The following PICALM variants were observed in gnomAD, a reference collection of about 807,000 sequenced individuals.
PICALM encodes the protein phosphatidylinositol-binding clathrin assembly protein.
A neutral mutation model predicts 80.5 loss-of-function variants in PICALM; 40 were observed. That is an observed-to-expected ratio of 0.50 (90% CI 0.39 to 0.65). The LOEUF is 0.65. Among genes scored for constraint, PICALM ranks in the 30% least tolerant of loss-of-function variants. The pLI is 0.00. For synonymous variants in PICALM, 288 were observed against 260.3 expected, an observed-to-expected ratio of 1.11 and a Z score of -1.02; for missense variants, 676 against 778.9, an observed-to-expected ratio of 0.87 and a Z score of 1.57.
At chr11:85,990,114 T>C (rs2094716770) in intron 13 of PICALM, 136 bp downstream of exon 13, 7 of 442,490 alleles carry the variant, frequency 1.6e-5, no homozygotes, top group East Asian at 3.4e-5. Flanking sequence ...CACTACATTA[T>C]GGCTGGTTAG....
At chr11:86,004,263 A>C (rs2136156008) in intron 8 of PICALM, among the ~76,000 whole-genome samples, 1 of 152,350 alleles carries the variant, frequency 6.6e-6, no homozygotes, top group East Asian at 1.9e-4. Flanking sequence ...TGGTATATTC[A>C]ACAACATAGA....
intron 8 of PICALM, among the ~76,000 whole-genome samples, chr11:86,006,703 G>A (rs1402268162): frequency 6.6e-6 from 1 of 152,126 alleles, no homozygotes; most frequent in Non-Finnish European, 1.5e-5. Flanking sequence ...AGGTAAAACA[G>A]ATGTCAACAA....
At chr11:85,972,163 A>G (rs961064567) in intron 19 of PICALM, among the ~76,000 whole-genome samples, 5 of 152,196 alleles carry the variant, frequency 3.3e-5, no homozygotes, top group African/African-American at 1.2e-4. Flanking sequence ...ACTCATACAC[A>G]ATGTTTCAAG....
intron 19 of PICALM, among the ~76,000 whole-genome samples, chr11:85,968,687 A>C (rs1350993805): frequency 6.6e-6 from 1 of 152,188 alleles, no homozygotes; most frequent in Non-Finnish European, 1.5e-5. Flanking sequence ...AGTAAGAGAA[A>C]GCAGGAGTCC....
At chr11:86,003,324 G>T in intron 9 of PICALM, 42 bp downstream of exon 9, 1 of 1,248,926 alleles carries the variant, frequency 8.0e-7, no homozygotes, top group Non-Finnish European at 1.2e-6. Flanking sequence ...TACTGCCTCA[G>T]AAAAATCACT....
chr11:86,040,359 A>C (rs189978944), intron 1 of PICALM, among the ~76,000 whole-genome samples: 6 of 152,100 alleles, frequency 3.9e-5, no homozygotes, highest in African/African-American at 1.4e-4. Context: ...ATAACTTTTT[A>C]AAATTTTATT....
At chr11:86,012,512 CATTT>C in intron 5 of PICALM, 120 bp from the exon 6 acceptor site, 1 of 591,738 alleles carries the variant, frequency 1.7e-6, no homozygotes, top group Non-Finnish European at 3.1e-6. Flanking sequence ...GTGAAAAATA[CATTT>C]ATTTTCTCTA....
intron 8 of PICALM, among the ~76,000 whole-genome samples, chr11:86,006,080 T>C (rs1846562816): frequency 6.6e-6 from 1 of 152,160 alleles, no homozygotes; most frequent in African/African-American, 2.4e-5. Flanking sequence ...AAGGGAAGCA[T>C]AACAAATGGG....
At position 85,958,341 on chromosome 11, in the gene PICALM, C is replaced by A. The variant is rs1025924702; in HGVS notation, c.*705G>T. ...TAAGAGATTCAGACCTATGGACTTG[C>A]CTTAAAATATTTAGTGCTCTGTATG... On this transcript the variant is annotated 3_prime_UTR_variant, in exon 20 of 20. Transcript: ENST00000393346. The A allele has an allele frequency of 2.3e-5, 5 of 213,450 alleles. No homozygotes were observed. The highest frequency in any genetic ancestry group is 4.7e-5 in the Non-Finnish European group (5 of 105,352). 13.2% of individuals were successfully genotyped at this position (213,450 alleles called of 1,614,324 possible). A position where few individuals can be genotyped will look rare whatever the true frequency, so the allele number is the denominator to read the frequency against.
chr11:86,062,156 A>G (rs1414513085), intron 1 of PICALM, among the ~76,000 whole-genome samples: 2 of 152,188 alleles, frequency 1.3e-5, no homozygotes, highest in African/African-American at 4.8e-5. Context: ...GCAGATAAAC[A>G]TTGTACCGCT....
chr11:85,967,747 C>T (rs1234491119), intron 19 of PICALM, among the ~76,000 whole-genome samples: 1 of 151,882 alleles, frequency 6.6e-6, no homozygotes, highest in Non-Finnish European at 1.5e-5. Flanking sequence ...AAAACCAAAA[C>T]GAAACCTAAA....
At chr11:85,963,932 T>TTTTAA (rs2093782359) in intron 19 of PICALM, among the ~76,000 whole-genome samples, 1 of 148,826 alleles carries the variant, frequency 6.7e-6, no homozygotes. Flanking sequence ...TTTTTTTTTT[T>TTTTAA]TTTTTTTTTT....
intron 1 of PICALM, among the ~76,000 whole-genome samples, chr11:86,047,453 CA>C (rs1355306825): frequency 6.6e-6 from 1 of 152,222 alleles, no homozygotes; most frequent in Non-Finnish European, 1.5e-5. Flanking sequence ...CCAAATGACT[CA>C]AACTGCAAGC....
At chr11:86,045,723 A>C (rs1032520595) in intron 1 of PICALM, among the ~76,000 whole-genome samples, 3 of 152,124 alleles carry the variant, frequency 2.0e-5, no homozygotes, top group African/African-American at 7.2e-5. Flanking sequence ...GGATATATGA[A>C]GAGTCTCCTA....
intron 19 of PICALM, among the ~76,000 whole-genome samples, chr11:85,972,864 CAT>C: frequency 6.6e-6 from 1 of 152,032 alleles, no homozygotes; most frequent in African/African-American, 2.4e-5. Context: ...ATCAAGAAAA[CAT>C]CTACAACAGA....
At chr11:86,053,958 TAAATC>T (rs2096232227) in intron 1 of PICALM, among the ~76,000 whole-genome samples, 2 of 152,338 alleles carry the variant, frequency 1.3e-5, no homozygotes, top group East Asian at 1.9e-4. Flanking sequence ...AGTCACTAAT[TAAATC>T]AAACAGGCCA....
intron 1 of PICALM, among the ~76,000 whole-genome samples, chr11:86,032,782 TCA>T (rs1245496082): frequency 6.6e-6 from 1 of 152,212 alleles, no homozygotes; most frequent in Non-Finnish European, 1.5e-5. Flanking sequence ...ATTAATTTGT[TCA>T]CTTTTAATCT....
chr11:86,061,330 CAAAAA>C (rs58836221), intron 1 of PICALM, among the ~76,000 whole-genome samples: 1 of 81,146 alleles, frequency 1.2e-5, no homozygotes, highest in Non-Finnish European at 2.4e-5. Flanking sequence ...GACTCCATCT[CAAAAA>C]AAAAAAAAAA....
chr11:85,981,094 C>G (rs371902776), intron 17 of PICALM, 35 bp downstream of exon 17: 18 of 946,218 alleles, frequency 1.9e-5, no homozygotes, highest in Middle Eastern at 4.2e-4. Flanking sequence ...CTAAATTATT[C>G]AACTGTTAGT....
Sources: gnomAD v4.1 joint callset for allele counts (sites outside exome capture counted in the v4.1 genomes callset) on GRCh38, gnomAD v4.1.1 for gene constraint, MANE v1.5 for transcripts, NCBI Gene and HGNC (gene_info 2026-07-23, HGNC 2026-07-21) for gene names.